Variants in MAD1L1 observed in about 807,000 individuals in gnomAD.
MAD1L1 encodes the protein mitotic arrest deficient 1 like 1.
Under a neutral mutation model 96.9 loss-of-function variants are expected in MAD1L1, and 95 were observed. That is an observed-to-expected ratio of 0.98 (90% CI 0.83 to 1.16). The LOEUF (loss-of-function observed/expected upper bound fraction) is 1.16, where lower values mean the gene tolerates loss of function less well. Among genes scored for constraint, MAD1L1 ranks in the 50% most tolerant of loss-of-function variants. The pLI is 0.00. For missense variants in MAD1L1, 1,007 were observed against 954.4 expected, an observed-to-expected ratio of 1.06 and a Z score of -0.73; for synonymous variants, 473 against 396.6, an observed-to-expected ratio of 1.19 and a Z score of -2.29.
chr7:2,030,524 C>A (rs918546588), intron 12 of MAD1L1, among the ~76,000 whole-genome samples: 2 of 152,210 alleles, frequency 1.3e-5, no homozygotes, highest in African/African-American at 4.8e-5. Flanking sequence ...CACGCGGGCC[C>A]CTGAACAGCC....
chr7:2,056,853 C>T (rs780509099), intron 12 of MAD1L1, among the ~76,000 whole-genome samples: 6 of 152,360 alleles, frequency 3.9e-5, no homozygotes, highest in Non-Finnish European at 7.3e-5. Flanking sequence ...CACTGCACCA[C>T]GACCACCTAC....
chr7:2,192,941 A>G (rs1054945744), intron 10 of MAD1L1, among the ~76,000 whole-genome samples: 4 of 152,254 alleles, frequency 2.6e-5, no homozygotes, highest in Admixed American at 2.6e-4. Flanking sequence ...TGAACTTAAC[A>G]CAAAATGTAT....
At chr7:2,136,930 C>A (rs929934755) in intron 11 of MAD1L1, among the ~76,000 whole-genome samples, 3 of 152,196 alleles carry the variant, frequency 2.0e-5, no homozygotes, top group Non-Finnish European at 4.4e-5. Flanking sequence ...CAGGGAAACT[C>A]AAGAAAAGCG....
At chr7:2,079,647 A>G in intron 11 of MAD1L1, 1 of 470,964 alleles carries the variant, frequency 2.1e-6, no homozygotes, top group Non-Finnish European at 4.4e-6. Context: ...TGCAATTTCA[A>G]TTCACTCCCA....
chr7:1,961,352 C>T (rs905251415), intron 15 of MAD1L1, among the ~76,000 whole-genome samples: 3 of 152,168 alleles, frequency 2.0e-5, no homozygotes, highest in Admixed American at 6.5e-5. Context: ...ACGTTAAAGC[C>T]GTAGTAATCA....
At position 1,872,996 on chromosome 7, in the gene MAD1L1, G is replaced by A. The variant is rs115023869; in HGVS notation, c.1998+25204C>T. 6.9e-3 allele frequency among the ~76,000 whole-genome samples: 1,056 copies of A among 152,298 alleles called. 10 individuals are homozygous for A. Among genetic ancestry groups the A allele is most frequent in the African/African-American group, 0.024 (1,003 of 41,550 alleles). On this transcript the variant is annotated intron_variant, in intron 18 of 18. Transcript: ENST00000265854. ...TCTTTAATCCAGAAATCCCACTTTG[G>A]GGACTTTATCCCCAGGTGAGAAACG...
intron 12 of MAD1L1, among the ~76,000 whole-genome samples, chr7:2,032,460 T>C (rs1356976568): frequency 6.6e-6 from 1 of 152,178 alleles, no homozygotes; most frequent in Non-Finnish European, 1.5e-5. Context: ...CCACGAGTCC[T>C]GAAAAGATTT....
At chr7:1,874,823 G>A (rs1462218204) in intron 18 of MAD1L1, among the ~76,000 whole-genome samples, 7 of 152,082 alleles carry the variant, frequency 4.6e-5, no homozygotes, top group African/African-American at 1.7e-4. Flanking sequence ...AGGAGGGGCA[G>A]GTATAGGGAG....
intron 11 of MAD1L1, among the ~76,000 whole-genome samples, chr7:2,070,141 G>C (rs548311921): frequency 1.3e-5 from 2 of 152,228 alleles, no homozygotes; most frequent in Non-Finnish European, 2.9e-5. Context: ...TGGCAGTAGC[G>C]GGCCTCAGGG....
intron 11 of MAD1L1, among the ~76,000 whole-genome samples, chr7:2,080,922 G>A (rs1373620921): frequency 2.6e-5 from 4 of 152,226 alleles, no homozygotes; most frequent in Admixed American, 6.5e-5. Flanking sequence ...CCGCCGGGAC[G>A]TGGCCTGCAC....
At chr7:1,860,425 G>A (rs1263371633) in intron 18 of MAD1L1, among the ~76,000 whole-genome samples, 1 of 151,636 alleles carries the variant, frequency 6.6e-6, no homozygotes, top group Non-Finnish European at 1.5e-5. Context: ...GACATCCTGT[G>A]GTGGCCCCTG....
intron 10 of MAD1L1, among the ~76,000 whole-genome samples, chr7:2,165,148 G>A (rs1335001982): frequency 6.6e-6 from 1 of 151,580 alleles, no homozygotes; most frequent in East Asian, 1.9e-4. Context: ...AGGTTGCAGT[G>A]AGCCGAGATC....
At chr7:1,915,635 C>A (rs750331225) in intron 17 of MAD1L1, among the ~76,000 whole-genome samples, 5 of 152,202 alleles carry the variant, frequency 3.3e-5, no homozygotes, top group African/African-American at 1.2e-4. Flanking sequence ...AATGTGTCGC[C>A]GGCACAGAAG....
intron 18 of MAD1L1, among the ~76,000 whole-genome samples, chr7:1,876,052 C>G (rs189792468): frequency 5.6e-4 from 85 of 152,338 alleles, no homozygotes; most frequent in African/African-American, 1.9e-3. Context: ...GTGAGACACA[C>G]GTTTGCGGTC....
intron 10 of MAD1L1, among the ~76,000 whole-genome samples, chr7:2,187,607 T>G (rs916445362): frequency 6.6e-6 from 1 of 152,152 alleles, no homozygotes; most frequent in Non-Finnish European, 1.5e-5. Context: ...CAGCTGGAAC[T>G]ACAGGAGTAC....
chr7:2,161,154 C>G (rs1248095711), intron 10 of MAD1L1, among the ~76,000 whole-genome samples: 1 of 141,196 alleles, frequency 7.1e-6, no homozygotes, highest in Non-Finnish European at 1.6e-5. Flanking sequence ...CCTCTGATGC[C>G]GAGCCGAGGC....
chr7:2,053,171 A>G (rs1784255939), intron 12 of MAD1L1, among the ~76,000 whole-genome samples: 1 of 152,228 alleles, frequency 6.6e-6, no homozygotes, highest in Non-Finnish European at 1.5e-5. Context: ...CATTGCTGAC[A>G]TTAGCTCAGG....
At chr7:2,218,308 C>G (rs1261733424) in intron 6 of MAD1L1, among the ~76,000 whole-genome samples, 1 of 152,200 alleles carries the variant, frequency 6.6e-6, no homozygotes, top group Admixed American at 6.5e-5. Flanking sequence ...TGAGCCCAGG[C>G]CACCTGCAAG....
intron 18 of MAD1L1, among the ~76,000 whole-genome samples, chr7:1,876,317 G>GC (rs1376526019): frequency 2.6e-5 from 4 of 151,998 alleles, no homozygotes; most frequent in East Asian, 1.9e-4. Flanking sequence ...AAGGTCCCGA[G>GC]CCCCCCGTCT....
Sources: gnomAD v4.1 joint callset for allele counts (sites outside exome capture counted in the v4.1 genomes callset) on GRCh38, gnomAD v4.1.1 for gene constraint, MANE v1.5 for transcripts, NCBI Gene and HGNC (gene_info 2026-07-23, HGNC 2026-07-21) for gene names.